SLC25A26: variants seen among roughly 807,000 people sequenced by gnomAD.
The protein encoded by SLC25A26 is solute carrier family 25 member 26.
In SLC25A26, 36 loss-of-function variants were observed where a neutral mutation model predicts 37.8. That is an observed-to-expected ratio of 0.95 (90% CI 0.73 to 1.26). The LOEUF is 1.26. SLC25A26 is among the 50% of genes most tolerant of loss of function. SLC25A26 has a pLI of 0.00. For synonymous variants in SLC25A26, 129 were observed against 122.5 expected (o/e 1.05, Z -0.35); for missense variants, 390 against 331.1 (o/e 1.18, Z -1.38).
At chr3:66,288,819 T>A (rs2074603532) in intron 5 of SLC25A26, among the ~76,000 whole-genome samples, 1 of 152,186 alleles carries the variant, frequency 6.6e-6, no homozygotes, top group Non-Finnish European at 1.5e-5. Context: ...TAGAATGATA[T>A]ATAATCTGTT....
chr3:66,297,195 G>A (rs543064572), intron 5 of SLC25A26, among the ~76,000 whole-genome samples: 7 of 152,170 alleles, frequency 4.6e-5, no homozygotes, highest in African/African-American at 1.7e-4. Context: ...GGGCATGGTT[G>A]TGGGTGCCTG....
intron 2 of SLC25A26, among the ~76,000 whole-genome samples, chr3:66,240,400 C>A (rs576870340): frequency 6.6e-6 from 1 of 152,124 alleles, no homozygotes; most frequent in Non-Finnish European, 1.5e-5. Context: ...GGTGATCCTC[C>A]CACCTCAGTC....
At chr3:66,234,082 G>A (rs146681882) in intron 1 of SLC25A26, among the ~76,000 whole-genome samples, 151,709 of 152,270 alleles carry the variant, frequency 1, 75,577 homozygotes, top group Middle Eastern at 1. Flanking sequence ...CAAAATATTT[G>A]CCTACCAAAT....
At chr3:66,327,400 A>G (rs912581651) in intron 5 of SLC25A26, among the ~76,000 whole-genome samples, 1 of 152,168 alleles carries the variant, frequency 6.6e-6, no homozygotes, top group African/African-American at 2.4e-5. Context: ...ATTTCCACTT[A>G]TAATTGTTTT....
chr3:66,143,427 C>G (rs1327781682), intron 1 of SLC25A26, among the ~76,000 whole-genome samples: 1 of 152,170 alleles, frequency 6.6e-6, no homozygotes, highest in Non-Finnish European at 1.5e-5. Flanking sequence ...TGCAGTGTTC[C>G]CTGTAGTGCT....
At chr3:66,293,601 T>C (rs1264821994) in intron 5 of SLC25A26, among the ~76,000 whole-genome samples, 1 of 152,094 alleles carries the variant, frequency 6.6e-6, no homozygotes, top group Non-Finnish European at 1.5e-5. Flanking sequence ...CTATGTGTTC[T>C]CATCATTTAG....
chr3:66,194,271 A>C (rs2071001118), intron 1 of SLC25A26, among the ~76,000 whole-genome samples: 2 of 152,178 alleles, frequency 1.3e-5, no homozygotes, highest in Non-Finnish European at 2.9e-5. Context: ...GGGTGGACTG[A>C]AGTTTTTCCT....
intron 1 of SLC25A26, among the ~76,000 whole-genome samples, chr3:66,192,184 T>G (rs879002807): frequency 2.6e-5 from 4 of 151,190 alleles, no homozygotes; most frequent in African/African-American, 9.7e-5. Context: ...GGTGTGGTGG[T>G]GGGTGCCTGT....
intron 3 of SLC25A26, among the ~76,000 whole-genome samples, chr3:66,250,348 C>A (rs181044505): frequency 3.7e-4 from 56 of 152,312 alleles, no homozygotes; most frequent in Admixed American, 8.5e-4. Context: ...GCTGTAAGTG[C>A]ACTAAAGTGT....
intron 1 of SLC25A26, among the ~76,000 whole-genome samples, chr3:66,207,421 ATT>A (rs1325276484): frequency 6.6e-6 from 1 of 152,196 alleles, no homozygotes; most frequent in Non-Finnish European, 1.5e-5. Flanking sequence ...TGTATTATAT[ATT>A]AAGATAATCT....
At chr3:66,205,833 G>C (rs1424367909) in intron 1 of SLC25A26, among the ~76,000 whole-genome samples, 1 of 152,106 alleles carries the variant, frequency 6.6e-6, no homozygotes, top group Non-Finnish European at 1.5e-5. Flanking sequence ...GTCTTAATTT[G>C]GATCTCCTCT....
At chr3:66,254,688 C>T (rs1410270686) in intron 3 of SLC25A26, among the ~76,000 whole-genome samples, 1 of 152,252 alleles carries the variant, frequency 6.6e-6, no homozygotes, top group East Asian at 1.9e-4. Flanking sequence ...GGGTTTCACC[C>T]ATGCTTCCTG....
At chr3:66,214,144 A>T (rs963960872) in intron 1 of SLC25A26, among the ~76,000 whole-genome samples, 2 of 151,864 alleles carry the variant, frequency 1.3e-5, no homozygotes, top group Non-Finnish European at 2.9e-5. Flanking sequence ...ATGGGGGTGG[A>T]TCCCTCTTGA....
chr3:66,364,420 A>G (rs2076780839), intron 7 of SLC25A26, among the ~76,000 whole-genome samples: 1 of 152,120 alleles, frequency 6.6e-6, no homozygotes, highest in South Asian at 2.1e-4. Context: ...CCGGTGCTCC[A>G]GTGATGCTGG....
At chr3:66,280,191 A>G (rs1220119406) in intron 5 of SLC25A26, among the ~76,000 whole-genome samples, 5 of 152,220 alleles carry the variant, frequency 3.3e-5, no homozygotes, top group Admixed American at 3.3e-4. Flanking sequence ...AAGGTCTGGT[A>G]TATAGTTGCC....
intron 1 of SLC25A26, among the ~76,000 whole-genome samples, chr3:66,184,686 A>G (rs2070792385): frequency 6.7e-5 from 3 of 44,990 alleles, no homozygotes. Flanking sequence ...ATTGGCCCTC[A>G]TCTGGCCCTC....
chr3:66,201,994 T>A (rs2071116662), intron 1 of SLC25A26, among the ~76,000 whole-genome samples: 2 of 151,968 alleles, frequency 1.3e-5, no homozygotes, highest in Non-Finnish European at 2.9e-5. Context: ...CAACAAAAGA[T>A]CATTTAAGAA....
At chr3:66,315,009 T>C (rs1326516618) in intron 5 of SLC25A26, among the ~76,000 whole-genome samples, 1 of 151,892 alleles carries the variant, frequency 6.6e-6, no homozygotes, top group African/African-American at 2.4e-5. Flanking sequence ...TTGATTCTTT[T>C]CTTCTTTATT....
intron 1 of SLC25A26, among the ~76,000 whole-genome samples, chr3:66,222,149 A>G (rs2071526058): frequency 6.6e-6 from 1 of 151,842 alleles, no homozygotes; most frequent in Admixed American, 6.6e-5. Context: ...TGTATAAGGT[A>G]GGTCTTAGAA....
Sources: allele counts gnomAD v4.1 joint callset (sites outside exome capture counted in the v4.1 genomes callset), GRCh38; gene constraint gnomAD v4.1.1; transcripts MANE v1.5; gene names NCBI Gene and HGNC (gene_info 2026-07-23, HGNC 2026-07-21).